The following EYA4 variants were observed in gnomAD, a reference collection of about 807,000 sequenced individuals.
The protein encoded by EYA4 is protein phosphatase EYA4.
In EYA4, 31 loss-of-function variants were observed where a neutral mutation model predicts 87.9. The observed-to-expected ratio is 0.35, with a 90% CI of 0.27 to 0.48. EYA4 has a LOEUF of 0.48. EYA4 is among the 20% of genes least tolerant of loss of function. EYA4 has a pLI of 0.99. For synonymous variants in EYA4, 263 were observed against 270.6 expected, an observed-to-expected ratio of 0.97 and a Z score of 0.28; for missense variants, 678 against 761.4, an observed-to-expected ratio of 0.89 and a Z score of 1.29.
chr6:133,517,212 G>A (rs1041000005), intron 17 of EYA4, among the ~76,000 whole-genome samples: 4 of 152,064 alleles, frequency 2.6e-5, no homozygotes, highest in Non-Finnish European at 5.9e-5. Context: ...AACACACACT[G>A]GGGCCTTCCA....
Position 133,461,197 on chromosome 6 carries a change from T to G in EYA4, c.437+17T>G. ...TCCTTCCAAGTAAGTGGTCAGTAGA[T>G]TCTTGCTTTAAATTGGCAAACATTT... is the stretch of plus-strand genomic sequence containing the variant. On this transcript the variant is annotated intron_variant, in intron 7 of 19. Transcript: ENST00000355286. The G allele has an allele frequency of 8.2e-6, 13 of 1,589,530 alleles. No homozygotes were observed. Among genetic ancestry groups the G allele is most frequent in the Non-Finnish European group, 1.1e-5 (13 of 1,157,740 alleles).
intron 13 of EYA4, among the ~76,000 whole-genome samples, chr6:133,489,069 AAATC>A (rs905865182): frequency 3.9e-5 from 6 of 152,212 alleles, no homozygotes; most frequent in African/African-American, 1.4e-4. Flanking sequence ...ATTGAAGTAA[AAATC>A]AAGCAGAAAT....
chr6:133,308,266 C>G (rs772816520), intron 2 of EYA4, among the ~76,000 whole-genome samples: 1 of 152,092 alleles, frequency 6.6e-6, no homozygotes, highest in Non-Finnish European at 1.5e-5. Flanking sequence ...AGGCATTATT[C>G]CTGTTTTTAC....
chr6:133,450,199 G>A (rs529879751), intron 5 of EYA4, among the ~76,000 whole-genome samples: 1 of 151,984 alleles, frequency 6.6e-6, no homozygotes, highest in East Asian at 2.0e-4. Flanking sequence ...GTTAGCCAGG[G>A]CGGTCTCGAT....
At chr6:133,307,756 A>G (rs1332028707) in intron 2 of EYA4, among the ~76,000 whole-genome samples, 2 of 152,204 alleles carry the variant, frequency 1.3e-5, no homozygotes, top group Non-Finnish European at 2.9e-5. Flanking sequence ...AAGTAGATAC[A>G]TTTATAATTC....
chr6:133,468,966 A>G (rs149678476), intron 11 of EYA4, among the ~76,000 whole-genome samples: 61 of 152,198 alleles, frequency 4.0e-4, no homozygotes, highest in Admixed American at 7.9e-4. Flanking sequence ...ACATATGAAT[A>G]TGGAGCTTTT....
chr6:133,459,992 T>C (rs187322625), intron 6 of EYA4, among the ~76,000 whole-genome samples: 180 of 152,220 alleles, frequency 1.2e-3, no homozygotes, highest in South Asian at 2.3e-3. Flanking sequence ...AAATGATGCA[T>C]GTTTGTGAAG....
intron 2 of EYA4, among the ~76,000 whole-genome samples, chr6:133,298,001 A>G (rs1259419899): frequency 6.6e-6 from 1 of 152,028 alleles, no homozygotes; most frequent in African/African-American, 2.4e-5. Context: ...TTCAAATTCT[A>G]TTATTTCTTT....
chr6:133,262,887 A>G (rs1775911883), intron 1 of EYA4, among the ~76,000 whole-genome samples: 1 of 152,216 alleles, frequency 6.6e-6, no homozygotes, highest in Non-Finnish European at 1.5e-5. Flanking sequence ...CTATTCATCC[A>G]GATCTGTTTC....
chr6:133,310,438 A>G (rs186660858), intron 2 of EYA4, among the ~76,000 whole-genome samples: 44 of 152,294 alleles, frequency 2.9e-4, no homozygotes, highest in Non-Finnish European at 4.6e-4. Flanking sequence ...TAATTTTAAT[A>G]TAATATGCTA....
chr6:133,489,289 GT>G lies in EYA4; in HGVS notation c.1191+6176del, dbSNP rs1182414088. Among the ~76,000 whole-genome samples, 5 of 152,080 alleles carry G rather than the reference GT, an allele frequency of 3.3e-5. 1 individual carries two copies. In the South Asian group the frequency reaches 1.0e-3, roughly 32 times the overall value. On this transcript the variant is annotated intron_variant, in intron 13 of 19. Transcript: ENST00000355286. ...TAGCCTCAAAAGGGCAAATCTAAGA[GT>G]TATTGGCCTTAAACAGGAGATGGAG...
chr6:133,419,257 T>C (rs996629465), intron 3 of EYA4, among the ~76,000 whole-genome samples: 3 of 152,246 alleles, frequency 2.0e-5, no homozygotes, highest in Admixed American at 2.0e-4. Flanking sequence ...GGGATGTATT[T>C]TCCCAAACAT....
rs978732619 is a variant in EYA4, at chr6:133,451,911, T to A, written c.277+3732T>A. 4.6e-5 allele frequency among the ~76,000 whole-genome samples: 7 copies of A among 152,294 alleles called. No individual in the cohort carries two copies. In the East Asian group the frequency reaches 1.4e-3, roughly 29 times the overall value. On this transcript the variant is annotated intron_variant, in intron 5 of 19. Coordinates refer to ENST00000355286, the MANE Select transcript of EYA4 (RefSeq NM_004100.5). ...GACTCACATATAATGAATTAGTATT[T>A]GTGCAATAGAGCTACCTACTGCTGT...
intron 2 of EYA4, among the ~76,000 whole-genome samples, chr6:133,301,288 T>G (rs1012063746): frequency 1.3e-5 from 2 of 152,252 alleles, no homozygotes; most frequent in Non-Finnish European, 2.9e-5. Flanking sequence ...GATGTTTATC[T>G]TTTAAACATT....
At chr6:133,328,083 A>T (rs1261459327) in intron 2 of EYA4, among the ~76,000 whole-genome samples, 1 of 152,218 alleles carries the variant, frequency 6.6e-6, no homozygotes, top group Non-Finnish European at 1.5e-5. Context: ...GAGCAGTACC[A>T]AGAAGTCAGA....
At chr6:133,407,866 T>C (rs770929968) in intron 3 of EYA4, among the ~76,000 whole-genome samples, 27 of 152,306 alleles carry the variant, frequency 1.8e-4, no homozygotes, top group South Asian at 2.1e-4. Context: ...GAGTCTGTTT[T>C]CCAAATGGTA....
At chr6:133,357,270 CAAAAAAAA>C (rs754202361) in intron 2 of EYA4, among the ~76,000 whole-genome samples, 1 of 65,320 alleles carries the variant, frequency 1.5e-5, no homozygotes, top group African/African-American at 6.6e-5. Context: ...GACTCCGTCT[CAAAAAAAA>C]AAAAAAAAAA....
intron 2 of EYA4, among the ~76,000 whole-genome samples, chr6:133,316,316 A>G (rs941892920): frequency 5.9e-5 from 9 of 152,152 alleles, no homozygotes; most frequent in Admixed American, 2.0e-4. Flanking sequence ...CTTAAATACA[A>G]TCCTCCCACC....
chr6:133,483,046 G>T lies in EYA4; in HGVS notation c.1122G>T (p.Trp374Cys). ...TTTGTCTTCAGCGTGTGTTTGTCTG[G>T]GATTTGGATGAAACCATCATTGTTT... The part of the protein sequence containing the change: ...PDSDLERVFV[W>C]DLDETIIVFH... The change falls in exon 13 of 20, where the codon TGG (tryptophan) becomes TGT (cysteine). Residue 374 changes from tryptophan (W) to cysteine (C), a missense_variant. Trp to Cys is a radical substitution (Grantham distance 215). Coordinates refer to ENST00000355286, the MANE Select transcript of EYA4 (RefSeq NM_004100.5). 1 of 1,613,016 alleles carries T rather than the reference G, an allele frequency of 6.2e-7. No individual in the cohort carries two copies. The highest frequency in any genetic ancestry group is 8.5e-7 in the Non-Finnish European group (1 of 1,179,420).
Sources: allele counts gnomAD v4.1 joint callset (sites outside exome capture counted in the v4.1 genomes callset), GRCh38; gene constraint gnomAD v4.1.1; transcripts MANE v1.5; gene names NCBI Gene and HGNC (gene_info 2026-07-23, HGNC 2026-07-21).